GRIK2: variants seen among roughly 807,000 people sequenced by gnomAD.
GRIK2 encodes glutamate ionotropic receptor kainate type subunit 2.
A neutral mutation model predicts 100.3 loss-of-function variants in GRIK2; 32 were observed. That is an observed-to-expected ratio of 0.32 (90% confidence interval 0.24 to 0.43). The LOEUF is 0.43. Ranked by LOEUF, GRIK2 falls within the 20% of genes least tolerant of loss-of-function variation. The probability of loss-of-function intolerance (pLI) is 1.00; values close to 1 mark genes in which losing one functional copy is unlikely to be tolerated. For synonymous variants in GRIK2, 417 were observed against 389.4 expected (o/e 1.07, Z -0.83); for missense variants, 843 against 1,114.9 (o/e 0.76, Z 3.47).
intron 9 of GRIK2, among the ~76,000 whole-genome samples, chr6:101,810,076 C>CAT (rs1028833310): frequency 6.0e-4 from 81 of 134,392 alleles, no homozygotes; most frequent in African/African-American, 2.2e-3. Context: ...TTTGAATTAA[C>CAT]ATATATATAT....
At chr6:101,517,202 T>C (rs1182047300) in intron 2 of GRIK2, among the ~76,000 whole-genome samples, 1 of 152,102 alleles carries the variant, frequency 6.6e-6, no homozygotes. Context: ...ACAGCCAGCA[T>C]GTTGTAGAGG....
chr6:101,896,961 C>A lies in GRIK2; in HGVS notation c.1748+7098C>A, dbSNP rs149393830. Among the ~76,000 whole-genome samples, 735 of 150,946 alleles carry A rather than the reference C, an allele frequency of 4.9e-3. 7 individuals carry two copies. Among genetic ancestry groups the A allele is most frequent in the African/African-American group, 0.017 (704 of 41,034 alleles). On this transcript the variant is annotated intron_variant, in intron 12 of 16. Transcript: ENST00000369134. ...GCTACCAAAAAATGGCACCTCTGTT[C>A]TTAATCAATTCTTTATGGAACATGT...
chr6:101,527,684 C>G (rs907096531), intron 2 of GRIK2, among the ~76,000 whole-genome samples: 1 of 152,100 alleles, frequency 6.6e-6, no homozygotes, highest in African/African-American at 2.4e-5. Flanking sequence ...CAGATCTCAT[C>G]AGAAGATGCC....
intron 2 of GRIK2, among the ~76,000 whole-genome samples, chr6:101,601,361 T>C (rs1275794104): frequency 6.6e-6 from 1 of 151,828 alleles, no homozygotes; most frequent in Non-Finnish European, 1.5e-5. Flanking sequence ...ATTTTTATGT[T>C]TGTGTTCACC....
intron 7 of GRIK2, among the ~76,000 whole-genome samples, chr6:101,791,997 A>G (rs942107104): frequency 6.6e-6 from 1 of 151,930 alleles, no homozygotes; most frequent in Non-Finnish European, 1.5e-5. Context: ...TTGTTGGTTT[A>G]AAGTCTGTTT....
chr6:101,439,141 A>G (rs937226465), intron 2 of GRIK2, among the ~76,000 whole-genome samples: 2 of 152,114 alleles, frequency 1.3e-5, no homozygotes, highest in Non-Finnish European at 2.9e-5. Flanking sequence ...GAGTATTCTA[A>G]ATCCTAAAAG....
At chr6:101,692,886 C>T (rs1372397314) in intron 7 of GRIK2, among the ~76,000 whole-genome samples, 3 of 151,940 alleles carry the variant, frequency 2.0e-5, no homozygotes, top group Non-Finnish European at 4.4e-5. Context: ...ATAAGTACAA[C>T]ATTTGTTACA....
intron 7 of GRIK2, among the ~76,000 whole-genome samples, chr6:101,797,137 T>C (rs1444716676): frequency 6.6e-6 from 1 of 152,088 alleles, no homozygotes; most frequent in African/African-American, 2.4e-5. Flanking sequence ...ATAGATTGTA[T>C]TCTTTTAGTT....
chr6:101,797,043 T>A (rs1780351677), intron 7 of GRIK2, among the ~76,000 whole-genome samples: 1 of 152,102 alleles, frequency 6.6e-6, no homozygotes, highest in Admixed American at 6.5e-5. Context: ...TACTCTAGGA[T>A]TTTTATGTAT....
intron 7 of GRIK2, among the ~76,000 whole-genome samples, chr6:101,732,476 C>T (rs1775342348): frequency 6.6e-6 from 1 of 151,998 alleles, no homozygotes; most frequent in East Asian, 1.9e-4. Flanking sequence ...GTTTTTTCAT[C>T]AAAGCAATAT....
intron 2 of GRIK2, among the ~76,000 whole-genome samples, chr6:101,527,824 T>C (rs72957172): frequency 0.095 from 14,461 of 152,272 alleles, 780 homozygotes; most frequent in Admixed American, 0.14. Context: ...TCCACTCTTT[T>C]TCTCTAAGAA....
intron 16 of GRIK2, chr6:102,064,119 G>T: frequency 1.4e-6 from 1 of 723,122 alleles, no homozygotes; most frequent in South Asian, 1.7e-5. Context: ...CATTTTTATT[G>T]TTGTTTTCAT....
At chr6:102,024,452 T>C (rs1416091059) in intron 14 of GRIK2, among the ~76,000 whole-genome samples, 1 of 151,254 alleles carries the variant, frequency 6.6e-6, no homozygotes, top group Non-Finnish European at 1.5e-5. Flanking sequence ...CTGTTAAACA[T>C]TTACTAGTTC....
At chr6:101,929,482 T>A (rs11156163) in intron 14 of GRIK2, among the ~76,000 whole-genome samples, 49,842 of 139,744 alleles carry the variant, frequency 0.36, 9,803 homozygotes, top group East Asian at 0.58. Context: ...TATTTTTTTT[T>A]AAAAAAATGA....
chr6:101,758,067 A>G (rs1777245103), intron 7 of GRIK2, among the ~76,000 whole-genome samples: 1 of 152,072 alleles, frequency 6.6e-6, no homozygotes, highest in Non-Finnish European at 1.5e-5. Flanking sequence ...CAACTTTACA[A>G]AAAATACTAG....
chr6:101,591,721 A>G (rs895241603), intron 2 of GRIK2, among the ~76,000 whole-genome samples: 45 of 152,082 alleles, frequency 3.0e-4, no homozygotes, highest in African/African-American at 9.9e-4. Flanking sequence ...GGAAATGACT[A>G]TAAAGCAAAC....
intron 4 of GRIK2, among the ~76,000 whole-genome samples, chr6:101,659,218 GT>G (rs1769420809): frequency 6.6e-6 from 1 of 152,178 alleles, no homozygotes; most frequent in African/African-American, 2.4e-5. Flanking sequence ...TCCAGATTCA[GT>G]TTTCTGCATA....
At chr6:101,545,807 T>C (rs1338102735) in intron 2 of GRIK2, among the ~76,000 whole-genome samples, 2 of 152,204 alleles carry the variant, frequency 1.3e-5, no homozygotes, top group Non-Finnish European at 2.9e-5. Context: ...TAATGATATA[T>C]TTGAATCTTA....
chr6:101,652,977 G>C (rs1781872308), intron 4 of GRIK2, among the ~76,000 whole-genome samples: 1 of 152,060 alleles, frequency 6.6e-6, no homozygotes, highest in African/African-American at 2.4e-5. Flanking sequence ...GACAGATGTG[G>C]GGAGTGCATT....
Sources: allele counts gnomAD v4.1 joint callset (sites outside exome capture counted in the v4.1 genomes callset), GRCh38; gene constraint gnomAD v4.1.1; transcripts MANE v1.5; gene names NCBI Gene and HGNC (gene_info 2026-07-23, HGNC 2026-07-21).